BRINP1: variants seen among roughly 807,000 people sequenced by gnomAD.
The protein encoded by BRINP1 is BMP/retinoic acid-inducible neural-specific protein 1.
A neutral mutation model predicts 72.9 loss-of-function variants in BRINP1; 17 were observed. The observed-to-expected ratio is 0.23, with a 90% CI of 0.16 to 0.35. BRINP1 has a LOEUF of 0.35. BRINP1 is among the 10% of genes least tolerant of loss of function. The pLI is 1.00. For synonymous variants in BRINP1, 418 were observed against 378.5 expected (o/e 1.10, Z -1.21); for missense variants, 850 against 1,001.6 (o/e 0.85, Z 2.04).
At chr9:119,294,447 A>G (rs2118976010) in intron 2 of BRINP1, among the ~76,000 whole-genome samples, 1 of 152,326 alleles carries the variant, frequency 6.6e-6, no homozygotes, top group African/African-American at 2.4e-5. Flanking sequence ...GAATCGCTTG[A>G]AGCTGGAGTT....
At chr9:119,177,836 G>A (rs528864698) in intron 7 of BRINP1, among the ~76,000 whole-genome samples, 1 of 152,298 alleles carries the variant, frequency 6.6e-6, no homozygotes, top group South Asian at 2.1e-4. Flanking sequence ...CGCGAGCTGC[G>A]TGGCACCTGC....
chr9:119,322,061 A>C (rs1831194875), intron 1 of BRINP1, among the ~76,000 whole-genome samples: 1 of 152,206 alleles, frequency 6.6e-6, no homozygotes, highest in Non-Finnish European at 1.5e-5. Context: ...CAACAAATTA[A>C]CAATAAATAC....
At chr9:119,339,945 C>T (rs550186064) in intron 1 of BRINP1, among the ~76,000 whole-genome samples, 1 of 152,206 alleles carries the variant, frequency 6.6e-6, no homozygotes, top group South Asian at 2.1e-4. Context: ...CCCACATGGA[C>T]AGGGTTTGTC....
chr9:119,361,192 T>C (rs765889438), intron 1 of BRINP1, among the ~76,000 whole-genome samples: 1 of 152,152 alleles, frequency 6.6e-6, no homozygotes, highest in Admixed American at 6.6e-5. Context: ...TAAGGCCACT[T>C]GCAATCTCCA....
intron 7 of BRINP1, among the ~76,000 whole-genome samples, chr9:119,172,840 T>A (rs1177248497): frequency 2.6e-5 from 4 of 151,894 alleles, no homozygotes; most frequent in Non-Finnish European, 5.9e-5. Context: ...CGCAAATCAA[T>A]AAATGTAATC....
intron 7 of BRINP1, among the ~76,000 whole-genome samples, chr9:119,176,954 C>A (rs529644024): frequency 6.6e-6 from 1 of 152,038 alleles, no homozygotes; most frequent in Admixed American, 6.6e-5. Context: ...CCGGACCTGG[C>A]GATAAAACCT....
rs767047897 is a variant in BRINP1, at chr9:119,242,033, C to T, written c.579+14G>A. 5.6e-6 allele frequency: 9 copies of T among 1,611,970 alleles called. No individual in the cohort carries two copies. The Admixed American group carries it at 8.3e-5, about 15-fold the overall frequency. ...ATTGAGAACCTGTCGCCCAAATCCACCCCGGAGCTGTACCTTGATTGCTCC... is the reference window on the plus strand; with the variant it reads ...ATTGAGAACCTGTCGCCCAAATCCATCCCGGAGCTGTACCTTGATTGCTCC... On this transcript the variant is annotated intron_variant, in intron 4 of 7. Coordinates refer to ENST00000265922, the MANE Select transcript of BRINP1 (RefSeq NM_014618.3).
chr9:119,292,834 T>G (rs1411955463), intron 2 of BRINP1, among the ~76,000 whole-genome samples: 1 of 152,156 alleles, frequency 6.6e-6, no homozygotes, highest in Non-Finnish European at 1.5e-5. Flanking sequence ...TGTTTGTATT[T>G]TACAGCGGTG....
At chr9:119,173,190 T>C (rs1298119733) in intron 7 of BRINP1, among the ~76,000 whole-genome samples, 1 of 150,700 alleles carries the variant, frequency 6.6e-6, no homozygotes, top group Non-Finnish European at 1.5e-5. Context: ...GGAAGTCAAA[T>C]TGTCCCTGTT....
At chr9:119,349,141 A>C (rs1013425372) in intron 1 of BRINP1, among the ~76,000 whole-genome samples, 2 of 151,830 alleles carry the variant, frequency 1.3e-5, no homozygotes, top group African/African-American at 2.4e-5. Flanking sequence ...TATTAGAAAA[A>C]CCCCCGCGTA....
At chr9:119,295,215 G>A (rs1469814999) in intron 2 of BRINP1, among the ~76,000 whole-genome samples, 5 of 150,982 alleles carry the variant, frequency 3.3e-5, no homozygotes, top group Non-Finnish European at 7.4e-5. Flanking sequence ...GCTAATTTTT[G>A]CATTTTTGGT....
rs113488562 is a variant in BRINP1 at position 119,197,262 on chromosome 9, G to A, written c.1145+11457C>T. Among the ~76,000 whole-genome samples the A allele has an allele frequency of 8.3e-3, 1,258 of 152,252 alleles. 17 individuals carry two copies. The highest frequency in any genetic ancestry group is 0.027 in the African/African-American group (1,137 of 41,558). ...AATTAAAGGATGAATAAAGTAATCC[G>A]GACAGAGGAAAGTATTTTTTCCAGT... On this transcript the variant is annotated intron_variant, in intron 7 of 7. Coordinates refer to ENST00000265922, the MANE Select transcript of BRINP1 (RefSeq NM_014618.3).
intron 2 of BRINP1, among the ~76,000 whole-genome samples, chr9:119,287,289 CAT>C (rs1279485932): frequency 6.6e-6 from 1 of 152,198 alleles, no homozygotes; most frequent in Admixed American, 6.5e-5. Flanking sequence ...GAAATTTCCT[CAT>C]TATCTCTGCT....
intron 1 of BRINP1, among the ~76,000 whole-genome samples, chr9:119,361,046 AC>A (rs1265133553): frequency 6.6e-6 from 1 of 152,188 alleles, no homozygotes. Context: ...CAAACTGAGA[AC>A]AAAATTTGTT....
intron 7 of BRINP1, among the ~76,000 whole-genome samples, chr9:119,195,621 A>T (rs1829730117): frequency 6.6e-6 from 1 of 152,178 alleles, no homozygotes. Context: ...GGGTAAATTT[A>T]TTTCCTAATT....
chr9:119,180,800 T>C (rs1426764634), intron 7 of BRINP1, among the ~76,000 whole-genome samples: 1 of 152,104 alleles, frequency 6.6e-6, no homozygotes, highest in African/African-American at 2.4e-5. Flanking sequence ...AAGGAAGAAA[T>C]ACCAAAAGAA....
At chr9:119,361,347 G>C (rs1831626724) in intron 1 of BRINP1, among the ~76,000 whole-genome samples, 1 of 152,156 alleles carries the variant, frequency 6.6e-6, no homozygotes, top group Non-Finnish European at 1.5e-5. Flanking sequence ...TCTCTAGGCA[G>C]TCTTTCTGGG....
chr9:119,168,229 G>GAGAT lies in BRINP1; in HGVS notation c.1146-9_1146-6dup, dbSNP rs1829345062. ...GCAAGCCACTGCTGAATTGTCCTGGGAGATAAAGGAAAATTGGAGAAGGTT... is the reference window on the plus strand; with the variant it reads ...GCAAGCCACTGCTGAATTGTCCTGGGAGATAGATAAAGGAAAATTGGAGAAGGTT... On this transcript the variant is annotated splice_polypyrimidine_tract_variant and splice_region_variant and intron_variant, in intron 7 of 7. Coordinates refer to ENST00000265922, the MANE Select transcript of BRINP1 (RefSeq NM_014618.3). 2.0e-6 allele frequency: 3 copies of GAGAT among 1,496,244 alleles called. No individual in the cohort carries two copies. The highest frequency in any genetic ancestry group is 2.7e-6 in the Non-Finnish European group (3 of 1,125,736). The allele number at this position is 1,496,244 out of a possible 1,614,324, so 92.7% of individuals were successfully genotyped here.
chr9:119,173,807 G>A (rs1489189944), intron 7 of BRINP1, among the ~76,000 whole-genome samples: 1 of 144,834 alleles, frequency 6.9e-6, no homozygotes, highest in Non-Finnish European at 1.5e-5. Flanking sequence ...TAGATCAATG[G>A]ACCAGAACAG....
Sources: allele counts gnomAD v4.1 joint callset (sites outside exome capture counted in the v4.1 genomes callset), GRCh38; gene constraint gnomAD v4.1.1; transcripts MANE v1.5; gene names NCBI Gene and HGNC (gene_info 2026-07-23, HGNC 2026-07-21).